The following RBMS3 variants were observed in gnomAD, a reference collection of about 807,000 sequenced individuals.
The protein encoded by RBMS3 is RNA-binding motif, single-stranded-interacting protein 3.
A neutral mutation model predicts 66.8 loss-of-function variants in RBMS3; 27 were observed. The observed-to-expected ratio is 0.40, with a 90% confidence interval of 0.30 to 0.56. The LOEUF (loss-of-function observed/expected upper bound fraction) is 0.56, where lower values mean the gene tolerates loss of function less well. RBMS3 is among the 20% of genes least tolerant of loss of function. The pLI is 0.40. For synonymous variants in RBMS3, 188 were observed against 183.0 expected (o/e 1.03, Z -0.22); for missense variants, 513 against 549.5 (o/e 0.93, Z 0.66).
intron 1 of RBMS3, among the ~76,000 whole-genome samples, chr3:29,308,334 C>T (rs2034143737): frequency 6.6e-6 from 1 of 151,814 alleles, no homozygotes; most frequent in Non-Finnish European, 1.5e-5. Flanking sequence ...ATATCAGGCA[C>T]TCTGTTAGGT....
chr3:29,548,493 T>A, intron 3 of RBMS3, among the ~76,000 whole-genome samples: 1 of 151,728 alleles, frequency 6.6e-6, no homozygotes, highest in Non-Finnish European at 1.5e-5. Context: ...TAGGAATGCT[T>A]ATAAAGTTTA....
intron 6 of RBMS3, among the ~76,000 whole-genome samples, chr3:29,770,527 A>C (rs1447997585): frequency 2.0e-5 from 3 of 151,936 alleles, no homozygotes; most frequent in African/African-American, 7.2e-5. Context: ...ATTTCATGGG[A>C]TAGAGAAAAG....
In RBMS3 at chr3:29,472,554, G is replaced by A. The variant is rs112753162; in HGVS notation, c.249-15887G>A. On this transcript the variant is annotated intron_variant, in intron 2 of 14. Transcript: ENST00000383767. The stretch of plus-strand genomic sequence containing the variant: ...TGAGTGTTACAACTCTTAAGGCGGC[G>A]CGTACCTTCTGATGTTCGGATGTGT... Among the ~76,000 whole-genome samples, 1,451 of 151,926 alleles carry A rather than the reference G, an allele frequency of 9.6e-3. 14 individuals are homozygous for A. The highest frequency in any genetic ancestry group is 0.02 in the East Asian group (101 of 5,150).
intron 6 of RBMS3, among the ~76,000 whole-genome samples, chr3:29,867,230 A>T (rs1193715051): frequency 6.6e-6 from 1 of 152,000 alleles, no homozygotes; most frequent in Non-Finnish European, 1.5e-5. Flanking sequence ...AAGTAAATGC[A>T]AGGAATCTAG....
At chr3:29,508,578 A>G (rs2044273802) in intron 3 of RBMS3, among the ~76,000 whole-genome samples, 1 of 151,946 alleles carries the variant, frequency 6.6e-6, no homozygotes, top group African/African-American at 2.4e-5. Flanking sequence ...TATATGCCAA[A>G]TTTTCTTTAT....
chr3:29,744,508 G>A (rs1266013109), intron 5 of RBMS3, among the ~76,000 whole-genome samples: 1 of 152,156 alleles, frequency 6.6e-6, no homozygotes, highest in African/African-American at 2.4e-5. Flanking sequence ...TGCCGGCTGG[G>A]CGCGGTGGCT....
At chr3:29,855,424 T>C (rs2059047427) in intron 6 of RBMS3, among the ~76,000 whole-genome samples, 1 of 152,218 alleles carries the variant, frequency 6.6e-6, no homozygotes, top group African/African-American at 2.4e-5. Flanking sequence ...AATCATTATA[T>C]GCCAAAAATA....
At chr3:29,808,525 A>G (rs905777997) in intron 6 of RBMS3, among the ~76,000 whole-genome samples, 2 of 152,016 alleles carry the variant, frequency 1.3e-5, no homozygotes, top group African/African-American at 2.4e-5. Context: ...GGTGTAACAC[A>G]TTCATTTCCT....
intron 1 of RBMS3, among the ~76,000 whole-genome samples, chr3:29,386,388 G>A (rs1334073457): frequency 6.6e-6 from 1 of 151,848 alleles, no homozygotes; most frequent in African/African-American, 2.4e-5. Flanking sequence ...ATTAAAAACA[G>A]AGAATCAATG....
chr3:29,484,851 T>G (rs942961933), intron 2 of RBMS3, among the ~76,000 whole-genome samples: 1 of 152,156 alleles, frequency 6.6e-6, no homozygotes, highest in Non-Finnish European at 1.5e-5. Flanking sequence ...TTTCATCCAT[T>G]AAATAAATGT....
chr3:29,994,940 T>C (rs1024963959), intron 14 of RBMS3, among the ~76,000 whole-genome samples: 1 of 152,192 alleles, frequency 6.6e-6, no homozygotes, highest in Non-Finnish European at 1.5e-5. Context: ...TTTGACGAGC[T>C]GAGAGAAGAA....
chr3:29,410,995 C>T (rs1335326817), intron 1 of RBMS3, among the ~76,000 whole-genome samples: 4 of 147,720 alleles, frequency 2.7e-5, no homozygotes, highest in African/African-American at 9.9e-5. Context: ...AACACAACTA[C>T]ATGTAAGCAA....
chr3:29,327,514 A>C (rs1054166643), intron 1 of RBMS3, among the ~76,000 whole-genome samples: 1 of 152,098 alleles, frequency 6.6e-6, no homozygotes, highest in Non-Finnish European at 1.5e-5. Flanking sequence ...TCCTTCTGTT[A>C]CTTAATATTA....
intron 6 of RBMS3, among the ~76,000 whole-genome samples, chr3:29,839,020 G>A (rs188709208): frequency 8.2e-4 from 125 of 152,234 alleles, no homozygotes; most frequent in Non-Finnish European, 1.4e-3. Flanking sequence ...TCCTCATTAC[G>A]GGGTAAGTTC....
intron 3 of RBMS3, among the ~76,000 whole-genome samples, chr3:29,489,188 TTAATC>T (rs747755105): frequency 1.2e-4 from 18 of 152,190 alleles, no homozygotes; most frequent in Non-Finnish European, 1.6e-4. Context: ...TGTTGTTCCT[TTAATC>T]TAATCTTTGT....
At chr3:29,671,970 TA>T (rs2051022326) in intron 4 of RBMS3, among the ~76,000 whole-genome samples, 1 of 151,876 alleles carries the variant, frequency 6.6e-6, no homozygotes, top group Admixed American at 6.6e-5. Flanking sequence ...GAGCAACCCC[TA>T]GACACATAAT....
intron 3 of RBMS3, among the ~76,000 whole-genome samples, chr3:29,506,620 C>A (rs1280655429): frequency 1.3e-5 from 2 of 151,928 alleles, no homozygotes; most frequent in Non-Finnish European, 2.9e-5. Context: ...ATTCCCTCTG[C>A]TGCAATTTTT....
At chr3:29,496,360 A>G (rs919472404) in intron 3 of RBMS3, among the ~76,000 whole-genome samples, 11 of 152,140 alleles carry the variant, frequency 7.2e-5, no homozygotes, top group African/African-American at 2.7e-4. Flanking sequence ...TAGGTCATCA[A>G]TATATAAACT....
At chr3:29,347,817 T>C (rs1353823666) in intron 1 of RBMS3, among the ~76,000 whole-genome samples, 5 of 152,210 alleles carry the variant, frequency 3.3e-5, no homozygotes, top group Non-Finnish European at 7.3e-5. Context: ...AAACTTGTTT[T>C]CTTTAACACA....
Sources: gnomAD v4.1 joint callset for allele counts (sites outside exome capture counted in the v4.1 genomes callset) on GRCh38, gnomAD v4.1.1 for gene constraint, MANE v1.5 for transcripts, NCBI Gene and HGNC (gene_info 2026-07-23, HGNC 2026-07-21) for gene names.